STK3: variants seen among roughly 807,000 people sequenced by gnomAD.
STK3 encodes the protein serine/threonine kinase 3, also known as serine/threonine-protein kinase 3.
A neutral mutation model predicts 58.0 loss-of-function variants in STK3; 41 were observed. The ratio of observed to expected loss-of-function variants is 0.71; its 90% CI spans 0.55 to 0.92. STK3 has a LOEUF of 0.92. Among genes scored for constraint, STK3 ranks in the 40% least tolerant of loss-of-function variants. The pLI is 0.00. For synonymous variants in STK3, 170 were observed against 191.0 expected, an observed-to-expected ratio of 0.89 and a Z score of 0.91; for missense variants, 479 against 602.7, an observed-to-expected ratio of 0.79 and a Z score of 2.15.
intron 3 of STK3, among the ~76,000 whole-genome samples, chr8:98,411,710 C>T (rs1024089920): frequency 2.0e-5 from 3 of 152,234 alleles, no homozygotes; most frequent in Non-Finnish European, 4.4e-5. Context: ...AGGGGGGCGA[C>T]ACTGTCTCAT....
rs398008984 is a variant in STK3 at position 98,494,654 on chromosome 8, CAAAAAAAAAAA to C, written c.1317+32077_1317+32087del. Among the ~76,000 whole-genome samples, 115 of 40,458 alleles carry C rather than the reference CAAAAAAAAAAA, an allele frequency of 2.8e-3. 1 individual carries two copies. The highest frequency in any genetic ancestry group is 0.012 in the African/African-American group (110 of 8,826). 26.5% of individuals were successfully genotyped at this position (40,458 alleles called of 152,430 possible). Reference sequence around the variant, plus strand: ...TAGGTGACAGAGTGAGACCCTGTCTCAAAAAAAAAAAAAAAAAAAAAAAAAAGAGAGAGAGA... The same window carrying C: ...TAGGTGACAGAGTGAGACCCTGTCTCAAAAAAAAAAAAAAAGAGAGAGAGA... On this transcript the variant is annotated intron_variant, in intron 10 of 10. Coordinates refer to ENST00000419617, the MANE Select transcript of STK3 (RefSeq NM_006281.4).
intron 10 of STK3, among the ~76,000 whole-genome samples, chr8:98,517,074 G>A (rs1824986043): frequency 6.6e-6 from 1 of 152,038 alleles, no homozygotes; most frequent in African/African-American, 2.4e-5. Context: ...AAAAAGGTCT[G>A]TTGAGAACCA....
rs72666645 is a variant in STK3 at position 98,558,314 on chromosome 8, T to A, written c.949-10153A>T. On this transcript the variant is annotated intron_variant, in intron 8 of 10. Coordinates refer to ENST00000419617, the MANE Select transcript of STK3 (RefSeq NM_006281.4). ...GGTTATTACATTAACTAACATACCA[T>A]CAATAGCTTTCAGAAATAGGCTAAT... Among the ~76,000 whole-genome samples, 1,251 of 152,208 alleles carry A rather than the reference T, an allele frequency of 8.2e-3. 15 individuals carry two copies. Among genetic ancestry groups the A allele is most frequent in the Non-Finnish European group, 0.012 (808 of 67,968 alleles).
intron 3 of STK3, among the ~76,000 whole-genome samples, chr8:98,751,110 A>G (rs938985710): frequency 3.4e-4 from 52 of 152,316 alleles, no homozygotes; most frequent in African/African-American, 1.2e-3. Context: ...CCTCAAAATA[A>G]TAAGAGCCAT....
intron 6 of STK3, among the ~76,000 whole-genome samples, chr8:98,655,792 T>C (rs1400814779): frequency 6.6e-6 from 1 of 152,028 alleles, no homozygotes; most frequent in Admixed American, 6.6e-5. Context: ...TGAGACACCA[T>C]CTCACACCAG....
chr8:98,687,599 C>T (rs1824097179), intron 6 of STK3, among the ~76,000 whole-genome samples: 1 of 152,148 alleles, frequency 6.6e-6, no homozygotes, highest in South Asian at 2.1e-4. Context: ...ACAAATCCTA[C>T]AAACCAGACA....
At chr8:98,388,211 G>A (rs1334723249) in exon 1 of STK3, 5 of 152,216 alleles carry the variant, frequency 3.3e-5, no homozygotes, top group African/African-American at 1.2e-4. Context: ...TAGCCAAATA[G>A]TTGATGTGCA....
At chr8:98,691,678 A>T (rs986532185) in intron 6 of STK3, among the ~76,000 whole-genome samples, 1 of 152,172 alleles carries the variant, frequency 6.6e-6, no homozygotes, top group African/African-American at 2.4e-5. Context: ...CAAAACCTGT[A>T]ATCCCAACAC....
intron 2 of STK3, chr8:98,434,398 C>T (rs1818411965): frequency 6.6e-6 from 1 of 152,186 alleles, no homozygotes; most frequent in Non-Finnish European, 1.5e-5. Flanking sequence ...AAAACAAACA[C>T]CTCCCCTTGA....
intron 10 of STK3, among the ~76,000 whole-genome samples, chr8:98,459,855 T>G (rs1819811085): frequency 6.6e-6 from 1 of 152,078 alleles, no homozygotes; most frequent in African/African-American, 2.4e-5. Context: ...CTTCAGAGGA[T>G]GTAATGGAAA....
At position 98,800,914 on chromosome 8, in the gene STK3, G is replaced by A. The variant is rs187533229; in HGVS notation, c.26+24601C>T. Among the ~76,000 whole-genome samples the A allele has an allele frequency of 2.0e-3, 309 of 152,320 alleles. 1 individual carries two copies. The highest frequency in any genetic ancestry group is 3.4e-3 in the Middle Eastern group (1 of 294). On this transcript the variant is annotated intron_variant, in intron 1 of 10. Coordinates refer to ENST00000419617, the MANE Select transcript of STK3 (RefSeq NM_006281.4). The surrounding 1 kb of genome is among the most constrained non-coding windows in gnomAD (Gnocchi z 4.8). ...TGCAGCCGGAGCCTCCCCAACAGGC[G>A]CTGGCCCCTGCTCCACGGCGTCCGG...
chr8:98,742,788 T>C (rs1829323081), intron 4 of STK3, among the ~76,000 whole-genome samples: 1 of 151,896 alleles, frequency 6.6e-6, no homozygotes, highest in Admixed American at 6.6e-5. Flanking sequence ...GGAAGGCAAA[T>C]TGTCCCTGTT....
chr8:98,564,929 T>A (rs1040660407), intron 8 of STK3, among the ~76,000 whole-genome samples: 11 of 152,128 alleles, frequency 7.2e-5, no homozygotes, highest in Non-Finnish European at 2.9e-5. Flanking sequence ...TTTAGACAAA[T>A]GTATCATACG....
chr8:98,516,432 ATCT>A (rs776046424), intron 10 of STK3, among the ~76,000 whole-genome samples: 1 of 152,074 alleles, frequency 6.6e-6, no homozygotes, highest in Non-Finnish European at 1.5e-5. Flanking sequence ...ATACTTAATA[ATCT>A]TCTTCAGTTA....
At chr8:98,765,640 T>C (rs1830897387) in intron 3 of STK3, among the ~76,000 whole-genome samples, 1 of 152,224 alleles carries the variant, frequency 6.6e-6, no homozygotes, top group South Asian at 2.1e-4. Flanking sequence ...GCCTGGAATG[T>C]AGACATAAAG....
chr8:98,649,722 C>T (rs1374661299), intron 6 of STK3, among the ~76,000 whole-genome samples: 2 of 152,144 alleles, frequency 1.3e-5, no homozygotes, highest in African/African-American at 2.4e-5. Context: ...CATTATGTTA[C>T]CCAATTCCAA....
intron 6 of STK3, among the ~76,000 whole-genome samples, chr8:98,614,701 T>G (rs1273996507): frequency 2.0e-5 from 3 of 152,130 alleles, no homozygotes; most frequent in African/African-American, 7.2e-5. Context: ...GGGTGATGGA[T>G]GCACCTGGAA....
At chr8:98,749,151 T>C in intron 4 of STK3, 125 bp downstream of exon 4, 1 of 640,478 alleles carries the variant, frequency 1.6e-6, no homozygotes, top group Non-Finnish European at 2.6e-6. Context: ...TAGATATCTT[T>C]ACACCACTTA....
chr8:98,793,115 G>A (rs1832910778), intron 1 of STK3, among the ~76,000 whole-genome samples: 1 of 152,112 alleles, frequency 6.6e-6, no homozygotes, highest in Non-Finnish European at 1.5e-5. Context: ...TGATATGTGG[G>A]AGCTAAGCTA....
Sources: gnomAD v4.1 joint callset for allele counts (sites outside exome capture counted in the v4.1 genomes callset) on GRCh38, gnomAD v4.1.1 for gene constraint, Gnocchi (gnomAD v3.1) non-coding constraint, MANE v1.5 for transcripts, NCBI Gene and HGNC (gene_info 2026-07-23, HGNC 2026-07-21) for gene names.